KCNMA1: variants seen among roughly 807,000 people sequenced by gnomAD.
The protein encoded by KCNMA1 is Calcium-activated potassium channel subunit alpha-1.
KCNMA1 carries 29 observed loss-of-function variants against 140.0 expected under a neutral mutation model. The observed-to-expected ratio is 0.21, with a 90% CI of 0.15 to 0.28. The LOEUF is 0.28. Among genes scored for constraint, KCNMA1 ranks in the 10% least tolerant of loss-of-function variants. KCNMA1 has a pLI of 1.00. For synonymous variants in KCNMA1, 612 were observed against 611.9 expected (o/e 1.00, Z 0.00); for missense variants, 880 against 1,602.2 (o/e 0.55, Z 7.70).
At chr10:77,488,051 C>T (rs1031489463) in intron 1 of KCNMA1, among the ~76,000 whole-genome samples, 1 of 152,148 alleles carries the variant, frequency 6.6e-6, no homozygotes, top group Non-Finnish European at 1.5e-5. Flanking sequence ...TATATTCATT[C>T]AATATATGCC....
At chr10:77,283,711 T>C (rs2069559998) in intron 2 of KCNMA1, among the ~76,000 whole-genome samples, 1 of 152,210 alleles carries the variant, frequency 6.6e-6, no homozygotes, top group Non-Finnish European at 1.5e-5. Context: ...GGAGTGCTCA[T>C]CCTGTGCTGG....
intron 1 of KCNMA1, among the ~76,000 whole-genome samples, chr10:77,525,118 T>G (rs527377421): frequency 6.6e-6 from 1 of 152,236 alleles, no homozygotes; most frequent in East Asian, 1.9e-4. Context: ...TTGTAGCCAA[T>G]GTATACACAT....
chr10:76,896,068 C>T (rs960119187), intron 25 of KCNMA1, among the ~76,000 whole-genome samples: 3 of 152,176 alleles, frequency 2.0e-5, no homozygotes, highest in Non-Finnish European at 2.9e-5. Flanking sequence ...AGCAGAGAAC[C>T]GGTCTGACTA....
chr10:77,118,202 C>G (rs1380730883), intron 6 of KCNMA1, among the ~76,000 whole-genome samples: 1 of 152,212 alleles, frequency 6.6e-6, no homozygotes, highest in Non-Finnish European at 1.5e-5. Flanking sequence ...CCCAACCCAC[C>G]CTTCTGGAAG....
chr10:77,300,692 G>C (rs1004038632), intron 2 of KCNMA1, among the ~76,000 whole-genome samples: 1 of 152,106 alleles, frequency 6.6e-6, no homozygotes, highest in Non-Finnish European at 1.5e-5. Context: ...CATAGTAATG[G>C]CTGCAATGTT....
chr10:77,635,159 AC>A (rs2093618601), intron 1 of KCNMA1: 1 of 152,136 alleles, frequency 6.6e-6, no homozygotes, highest in African/African-American at 2.4e-5. Context: ...GTTGCCAAAA[AC>A]CTATTTTCTT....
At chr10:77,104,998 T>C (rs1596037597) in intron 9 of KCNMA1, among the ~76,000 whole-genome samples, 1 of 152,116 alleles carries the variant, frequency 6.6e-6, no homozygotes, top group Non-Finnish European at 1.5e-5. Context: ...AGATTTAGGG[T>C]ATCAGCCCAA....
At chr10:77,428,405 G>T (rs2097074149) in intron 1 of KCNMA1, among the ~76,000 whole-genome samples, 1 of 152,200 alleles carries the variant, frequency 6.6e-6, no homozygotes, top group African/African-American at 2.4e-5. Flanking sequence ...GACTGAGGGG[G>T]TGAAGAGCAA....
At chr10:77,542,124 G>A (rs2060326677) in intron 1 of KCNMA1, among the ~76,000 whole-genome samples, 1 of 152,174 alleles carries the variant, frequency 6.6e-6, no homozygotes, top group Admixed American at 6.5e-5. Flanking sequence ...TGAGGACACA[G>A]AAGGCTCCAT....
intron 3 of KCNMA1, among the ~76,000 whole-genome samples, chr10:77,217,802 TTG>T (rs2048296625): frequency 6.6e-6 from 1 of 152,174 alleles, no homozygotes; most frequent in Non-Finnish European, 1.5e-5. Context: ...CTGAGAATAG[TTG>T]ATTCTCAGCC....
chr10:77,574,113 G>A (rs1437880921), intron 1 of KCNMA1, among the ~76,000 whole-genome samples: 2 of 152,042 alleles, frequency 1.3e-5, no homozygotes, highest in Non-Finnish European at 2.9e-5. Flanking sequence ...TGGGATTACA[G>A]GCATGAGCCA....
intron 1 of KCNMA1, among the ~76,000 whole-genome samples, chr10:77,417,701 A>G (rs2096773105): frequency 6.6e-6 from 1 of 152,234 alleles, no homozygotes; most frequent in Admixed American, 6.5e-5. Context: ...GTCTGTGCCT[A>G]TAGACCTCAC....
chr10:77,101,190 C>T (rs1365793443), intron 9 of KCNMA1, among the ~76,000 whole-genome samples: 1 of 152,116 alleles, frequency 6.6e-6, no homozygotes, highest in Non-Finnish European at 1.5e-5. Flanking sequence ...AGACCCCTCT[C>T]ATCAGGAAGG....
At chr10:77,407,186 G>A (rs75799758) in intron 1 of KCNMA1, among the ~76,000 whole-genome samples, 3,977 of 152,252 alleles carry the variant, frequency 0.026, 171 homozygotes, top group African/African-American at 0.091. Context: ...TGGGAAGCAG[G>A]ACTGGGAGGA....
At chr10:77,264,983 G>A (rs75547028) in intron 2 of KCNMA1, among the ~76,000 whole-genome samples, 63 of 152,158 alleles carry the variant, frequency 4.1e-4, no homozygotes, top group Middle Eastern at 3.4e-3. Flanking sequence ...TCTGGAACTG[G>A]AACTGGAATT....
chr10:77,518,768 G>A (rs1213014237), intron 1 of KCNMA1, among the ~76,000 whole-genome samples: 1 of 152,154 alleles, frequency 6.6e-6, no homozygotes. Context: ...TCAATTAGGA[G>A]GACATGAAGT....
rs927225402 is a variant in KCNMA1 at position 77,472,924 on chromosome 10, T to G, written c.379-68901A>C. 2.6e-5 allele frequency among the ~76,000 whole-genome samples: 4 copies of G among 152,152 alleles called. 1 individual carries two copies. The highest frequency in any genetic ancestry group is 9.7e-5 in the African/African-American group (4 of 41,426). ...GCACTTACTCTATGCTGTCTGACAT[T>G]CATGGTGGGCTCGTACTAGGATTGG... is the stretch of plus-strand genomic sequence containing the variant. On this transcript the variant is annotated intron_variant, in intron 1 of 27. Transcript: ENST00000286628.
chr10:77,496,339 GTAAT>G (rs2041911515), intron 1 of KCNMA1, among the ~76,000 whole-genome samples: 1 of 152,140 alleles, frequency 6.6e-6, no homozygotes, highest in African/African-American at 2.4e-5. Flanking sequence ...GCTCACGCCT[GTAAT>G]CCCAGCACTT....
chr10:77,247,640 G>C (rs1010847622), intron 3 of KCNMA1, among the ~76,000 whole-genome samples: 2 of 152,150 alleles, frequency 1.3e-5, no homozygotes, highest in East Asian at 3.9e-4. Flanking sequence ...CTTTTAAAAA[G>C]AATGCAAAAG....
Sources: allele counts gnomAD v4.1 joint callset (sites outside exome capture counted in the v4.1 genomes callset), GRCh38; gene constraint gnomAD v4.1.1; transcripts MANE v1.5; gene names NCBI Gene and HGNC (gene_info 2026-07-23, HGNC 2026-07-21).